IKBKB-DT: variants seen among roughly 807,000 people sequenced by gnomAD.
IKBKB-DT encodes the protein IKBKB divergent transcript.
At chr8:42,262,499 G>C (rs1807303857) in intron 3 of IKBKB-DT, among the ~76,000 whole-genome samples, 1 of 151,738 alleles carries the variant, frequency 6.6e-6, no homozygotes, top group Non-Finnish European at 1.5e-5. Flanking sequence ...GAGTACAACG[G>C]CGCAATCTTG....
At chr8:42,234,235 C>T (rs1353659731) in intron 3 of IKBKB-DT, among the ~76,000 whole-genome samples, 2 of 152,178 alleles carry the variant, frequency 1.3e-5, no homozygotes, top group East Asian at 1.9e-4. Context: ...TGTCTCAGTG[C>T]CTTTTGCAAA....
intron 3 of IKBKB-DT, among the ~76,000 whole-genome samples, chr8:42,258,108 G>A (rs57221053): frequency 0.099 from 15,076 of 151,904 alleles, 2,409 homozygotes; most frequent in African/African-American, 0.34. Flanking sequence ...AAAGAAAAAC[G>A]TTCCACAGTA....
intron 3 of IKBKB-DT, among the ~76,000 whole-genome samples, chr8:42,260,211 G>T (rs1807265612): frequency 6.6e-6 from 1 of 152,152 alleles, no homozygotes; most frequent in Non-Finnish European, 1.5e-5. Flanking sequence ...CACATAGACA[G>T]TGGGGCTTCA....
intron 1 of IKBKB-DT, among the ~76,000 whole-genome samples, chr8:42,268,023 C>T (rs1807397494): frequency 1.3e-5 from 2 of 152,022 alleles, no homozygotes; most frequent in South Asian, 4.1e-4. Flanking sequence ...TGGTAAGTTT[C>T]TCAGGACAGT....
intron 3 of IKBKB-DT, among the ~76,000 whole-genome samples, chr8:42,256,485 T>C: frequency 6.6e-6 from 1 of 151,632 alleles, no homozygotes; most frequent in Non-Finnish European, 1.5e-5. Flanking sequence ...GGCAGGAGAA[T>C]CACTTGAACC....
intron 3 of IKBKB-DT, chr8:42,255,424 C>T (rs1437548436): frequency 6.6e-6 from 1 of 152,152 alleles, no homozygotes; most frequent in Non-Finnish European, 1.5e-5. Flanking sequence ...TTCAACTTTG[C>T]CTGCAATATC....
intron 3 of IKBKB-DT, among the ~76,000 whole-genome samples, chr8:42,257,578 C>T (rs1454216819): frequency 6.6e-6 from 1 of 151,918 alleles, no homozygotes; most frequent in Non-Finnish European, 1.5e-5. Context: ...CAGGAAAATT[C>T]CAAAGTTAGC....
intron 3 of IKBKB-DT, among the ~76,000 whole-genome samples, chr8:42,261,537 A>G (rs1488986740): frequency 2.6e-5 from 4 of 152,244 alleles, no homozygotes; most frequent in Non-Finnish European, 5.9e-5. Context: ...AAGAATGCAC[A>G]GCCAATCACC....
At chr8:42,238,697 C>A (rs1336355456) in intron 3 of IKBKB-DT, among the ~76,000 whole-genome samples, 1 of 152,172 alleles carries the variant, frequency 6.6e-6, no homozygotes, top group African/African-American at 2.4e-5. Flanking sequence ...TGATGTTTTT[C>A]AGGCTTTTTA....
chr8:42,271,172 C>T (rs1807625322), exon 1 of IKBKB-DT: 2 of 595,460 alleles, frequency 3.4e-6, no homozygotes, highest in South Asian at 1.9e-5. Context: ...AGAGACCACA[C>T]GCCACCCCCG....
chr8:42,264,201 T>C (rs1033516465), intron 2 of IKBKB-DT, among the ~76,000 whole-genome samples: 1 of 151,318 alleles, frequency 6.6e-6, no homozygotes, highest in African/African-American at 2.4e-5. Context: ...TATAAAATTA[T>C]ATTTTTAAAA....
intron 3 of IKBKB-DT, among the ~76,000 whole-genome samples, chr8:42,258,287 C>A (rs573631517): frequency 6.6e-6 from 1 of 151,806 alleles, no homozygotes; most frequent in African/African-American, 2.4e-5. Flanking sequence ...CTCTCTCTAA[C>A]TTTCTAAATC....
intron 3 of IKBKB-DT, among the ~76,000 whole-genome samples, chr8:42,243,124 C>T (rs1450783840): frequency 6.6e-6 from 1 of 152,172 alleles, no homozygotes; most frequent in Non-Finnish European, 1.5e-5. Flanking sequence ...AGCTTAGTGT[C>T]TTACCTACTG....
intron 1 of IKBKB-DT, among the ~76,000 whole-genome samples, chr8:42,266,992 TG>T (rs1807380001): frequency 6.8e-6 from 1 of 146,866 alleles, no homozygotes; most frequent in East Asian, 1.9e-4. Context: ...TTTTTTTGTT[TG>T]TTTTTTTTTT....
intron 3 of IKBKB-DT, among the ~76,000 whole-genome samples, chr8:42,243,510 C>T (rs1807028961): frequency 6.6e-6 from 1 of 152,180 alleles, no homozygotes; most frequent in Non-Finnish European, 1.5e-5. Context: ...TTTTATGTCC[C>T]ACCACTTCCC....
chr8:42,259,111 T>C (rs963497860), intron 3 of IKBKB-DT, among the ~76,000 whole-genome samples: 3 of 152,032 alleles, frequency 2.0e-5, no homozygotes, highest in African/African-American at 7.2e-5. Context: ...CCGCAACCTC[T>C]GCCTCTCGGG....
intron 3 of IKBKB-DT, among the ~76,000 whole-genome samples, chr8:42,239,636 T>TATATAAATATATATATATATA (rs55662464): frequency 3.5e-5 from 1 of 28,196 alleles, no homozygotes; most frequent in Non-Finnish European, 7.1e-5. Context: ...ATATATATAT[T>TATATAAATATATATATATATA]TATTTATTTA....
chr8:42,253,290 C>T (rs1049668187), intron 3 of IKBKB-DT, among the ~76,000 whole-genome samples: 27 of 152,190 alleles, frequency 1.8e-4, no homozygotes, highest in Non-Finnish European at 3.8e-4. Flanking sequence ...TTTGAGTTGT[C>T]TTGTCTTTCT....
chr8:42,265,859 C>T (rs1166031182), exon 2 of IKBKB-DT, among the ~76,000 whole-genome samples: 1 of 135,304 alleles, frequency 7.4e-6, no homozygotes, highest in Non-Finnish European at 1.5e-5. Flanking sequence ...GTTTGAGGCA[C>T]AACAGCCGGC....
Sources: gnomAD v4.1 joint callset for allele counts (sites outside exome capture counted in the v4.1 genomes callset) on GRCh38, gnomAD v4.1.1 for gene constraint, MANE v1.5 for transcripts, NCBI Gene and HGNC (gene_info 2026-07-23, HGNC 2026-07-21) for gene names.